The following ABCA13 variants were observed in gnomAD, a reference collection of about 807,000 sequenced individuals.
ABCA13 encodes the protein ATP-binding cassette sub-family A member 13.
ABCA13 carries 476 observed loss-of-function variants against 478.7 expected under a neutral mutation model. That is an observed-to-expected ratio of 0.99 (90% CI 0.92 to 1.07). ABCA13 has a LOEUF of 1.07. Among genes scored for constraint, ABCA13 ranks in the 50% least tolerant of loss-of-function variants. ABCA13 has a pLI of 0.00. For synonymous variants in ABCA13, 2,252 were observed against 2,158.9 expected (o/e 1.04, Z -1.20); for missense variants, 6,060 against 5,910.6 (o/e 1.03, Z -0.83).
At chr7:48,277,351 A>G (rs1282697272) in intron 17 of ABCA13, among the ~76,000 whole-genome samples, 2 of 152,192 alleles carry the variant, frequency 1.3e-5, no homozygotes, top group Non-Finnish European at 2.9e-5. Flanking sequence ...ATGAATACCC[A>G]GCAGTGGTTT....
At chr7:48,309,795 C>T (rs192343308) in intron 23 of ABCA13, among the ~76,000 whole-genome samples, 152 bp from the exon 24 acceptor site, 1 of 152,190 alleles carries the variant, frequency 6.6e-6, no homozygotes, top group African/African-American at 2.4e-5. Context: ...GAGAATCGAA[C>T]CCCAGTTTGG....
At chr7:48,583,154 C>A (rs536828019) in intron 56 of ABCA13, among the ~76,000 whole-genome samples, 1 of 152,290 alleles carries the variant, frequency 6.6e-6, no homozygotes. Flanking sequence ...TTAATACCTG[C>A]ACATTCCTAC....
At chr7:48,200,411 T>G (rs1798510778) in intron 3 of ABCA13, among the ~76,000 whole-genome samples, 1 of 152,198 alleles carries the variant, frequency 6.6e-6, no homozygotes, top group African/African-American at 2.4e-5. Flanking sequence ...GGAAATAATC[T>G]ACCTTTGTTT....
At chr7:48,250,007 C>T (rs943194392) in intron 15 of ABCA13, among the ~76,000 whole-genome samples, 1 of 152,234 alleles carries the variant, frequency 6.6e-6, no homozygotes, top group African/African-American at 2.4e-5. Context: ...TCCCTTCTCA[C>T]TTCTGATCAA....
At chr7:48,171,704 C>T (rs141832114) in intron 1 of ABCA13, among the ~76,000 whole-genome samples, 152 bp downstream of exon 1, 140,633 of 152,304 alleles carry the variant, frequency 0.92, 65,681 homozygotes, top group Non-Finnish European at 0.99. Flanking sequence ...AATCAAAACC[C>T]GTCCCAAGGG....
chr7:48,503,590 A>G (rs1250858390), intron 48 of ABCA13, among the ~76,000 whole-genome samples: 1 of 152,140 alleles, frequency 6.6e-6, no homozygotes, highest in Admixed American at 6.5e-5. Flanking sequence ...TTTCATGTTC[A>G]TTCATGTTGT....
chr7:48,330,674 G>A (rs962067538), intron 27 of ABCA13, among the ~76,000 whole-genome samples: 6 of 128,306 alleles, frequency 4.7e-5, no homozygotes, highest in Non-Finnish European at 9.7e-5. Flanking sequence ...TTCAACCATC[G>A]ATTCATCTAT....
At chr7:48,318,286 C>T (rs1802879769) in intron 27 of ABCA13, among the ~76,000 whole-genome samples, 1 of 152,116 alleles carries the variant, frequency 6.6e-6, no homozygotes, top group Non-Finnish European at 1.5e-5. Flanking sequence ...GCTGCATTTA[C>T]CTCTGCCTAC....
rs924321070 is a variant in ABCA13 at position 48,335,429 on chromosome 7, A to G, written c.10007A>G (p.Tyr3336Cys). The change falls in exon 28 of 62, where the codon TAC (tyrosine) becomes TGC (cysteine). Residue 3336 changes from tyrosine to cysteine, a missense_variant. Physicochemically the swap from Tyr to Cys is radical, Grantham distance 194. Around this residue, in one of 3 missense-constraint regions of ABCA13, gnomAD observed 4,423 missense variants for 4,309.1 expected, o/e 1.03. Transcript: ENST00000435803. ...EINKVIQKAN[Y>C]TFYIVDKLKT... ...ATATGCTTCATTTTGCAGGCTAATT[A>G]CACCTTTTATATTGTGGACAAACTA... 1.2e-6 allele frequency: 2 copies of G among 1,603,660 alleles called. No homozygotes were observed. Among genetic ancestry groups the G allele is most frequent in the Non-Finnish European group, 1.7e-6 (2 of 1,173,940 alleles).
At position 48,346,509 on chromosome 7, in the gene ABCA13, T is replaced by TA. The variant is rs146535574; in HGVS notation, c.10205-4124dup. Among the ~76,000 whole-genome samples the TA allele has an allele frequency of 5.6e-3, 816 of 145,548 alleles. 10 individuals are homozygous for TA. Among genetic ancestry groups the TA allele is most frequent in the African/African-American group, 0.019 (755 of 39,874 alleles). On this transcript the variant is annotated intron_variant, in intron 29 of 61. Coordinates refer to ENST00000435803, the MANE Select transcript of ABCA13 (RefSeq NM_152701.5). ...AATTTAACAATCTCCACTTCTCCAT[T>TA]AAAAAAAAAAGCCCCCCACAATGCA...
intron 55 of ABCA13, among the ~76,000 whole-genome samples, chr7:48,557,420 G>T (rs35901095): frequency 0.046 from 7,003 of 152,072 alleles, 168 homozygotes; most frequent in South Asian, 0.086. Context: ...CTTTGACTGG[G>T]AAAGTCTTTT....
intron 15 of ABCA13, among the ~76,000 whole-genome samples, chr7:48,254,345 C>A (rs1793059096): frequency 6.6e-6 from 1 of 152,012 alleles, no homozygotes; most frequent in Non-Finnish European, 1.5e-5. Flanking sequence ...CTCACTGTAG[C>A]CTCGAATTAT....
chr7:48,493,358 G>A (rs1044917705), intron 48 of ABCA13, among the ~76,000 whole-genome samples: 1 of 152,062 alleles, frequency 6.6e-6, no homozygotes, highest in Non-Finnish European at 1.5e-5. Context: ...GACCTTTTAA[G>A]TTGGCATAAT....
chr7:48,314,095 A>G, intron 25 of ABCA13, 137 bp from the exon 26 acceptor site: 1 of 1,051,730 alleles, frequency 9.5e-7, no homozygotes, highest in Non-Finnish European at 1.4e-6. Context: ...AGAAAACTCT[A>G]AAGCAGACAT....
At chr7:48,507,780 T>A in intron 49 of ABCA13, 92 bp from the exon 50 acceptor site, 1 of 1,395,186 alleles carries the variant, frequency 7.2e-7, no homozygotes, top group South Asian at 1.5e-5. Flanking sequence ...TAATTAGCAG[T>A]TTTCACTGCT....
intron 1 of ABCA13, among the ~76,000 whole-genome samples, chr7:48,180,879 G>A (rs1318599555): frequency 6.6e-6 from 1 of 152,056 alleles, no homozygotes; most frequent in Non-Finnish European, 1.5e-5. Context: ...TCCAGCCTGG[G>A]TGACACAGTG....
chr7:48,178,546 G>T (rs1795196464), intron 1 of ABCA13, among the ~76,000 whole-genome samples: 1 of 152,042 alleles, frequency 6.6e-6, no homozygotes, highest in Non-Finnish European at 1.5e-5. Context: ...ATGGTGGCAT[G>T]TGCCTGTAAT....
intron 55 of ABCA13, among the ~76,000 whole-genome samples, chr7:48,539,515 C>T (rs181222732): frequency 6.6e-6 from 1 of 152,220 alleles, no homozygotes; most frequent in Admixed American, 6.5e-5. Context: ...TTTATTTACC[C>T]AGTTTTCACA....
chr7:48,644,227 G>T (rs1795291003), intron 60 of ABCA13, among the ~76,000 whole-genome samples: 1 of 152,194 alleles, frequency 6.6e-6, no homozygotes, highest in Non-Finnish European at 1.5e-5. Context: ...CCCAAGTGTT[G>T]CTCAGCTAAT....
Sources: gnomAD v4.1 joint callset for allele counts (sites outside exome capture counted in the v4.1 genomes callset) on GRCh38, gnomAD v4.1.1 for gene constraint, gnomAD v4.1.1 regional missense constraint, MANE v1.5 for transcripts, NCBI Gene and HGNC (gene_info 2026-07-23, HGNC 2026-07-21) for gene names.